GLT8D2: variants seen among roughly 807,000 people sequenced by gnomAD.
GLT8D2 encodes glycosyltransferase 8 domain containing 2, also known as glycosyltransferase 8 domain-containing protein 2.
Under a neutral mutation model 44.5 loss-of-function variants are expected in GLT8D2, and 45 were observed. The ratio of observed to expected loss-of-function variants is 1.01; its 90% CI spans 0.80 to 1.30. The LOEUF is 1.30. Among genes scored for constraint, GLT8D2 ranks in the 50% most tolerant of loss-of-function variants. GLT8D2 has a pLI of 0.00. For synonymous variants in GLT8D2, 156 were observed against 157.2 expected (o/e 0.99, Z 0.06); for missense variants, 400 against 430.4 (o/e 0.93, Z 0.62).
At chr12:103,996,391 C>A (rs1336343769) in intron 8 of GLT8D2, among the ~76,000 whole-genome samples, 1 of 152,196 alleles carries the variant, frequency 6.6e-6, no homozygotes, top group Admixed American at 6.5e-5. Context: ...ACCTAGGTAA[C>A]AATGATCATT....
In GLT8D2 at chr12:104,008,550, T is replaced by C. The variant is rs1013999726; in HGVS notation, c.113-5244A>G. Among the ~76,000 whole-genome samples the C allele has an allele frequency of 1.3e-4, 20 of 151,662 alleles. No homozygotes were observed. In the East Asian group the frequency reaches 1.5e-3, roughly 12 times the overall value. On this transcript the variant is annotated intron_variant, in intron 4 of 10. Transcript: ENST00000360814. ...GAAAATTTGCAGCCTGACAATGTGA[T>C]AGAAAAAAAAAATAACATTTTCTAA... is the stretch of plus-strand genomic sequence containing the variant.
chr12:104,012,729 A>T, intron 4 of GLT8D2: 1 of 672,350 alleles, frequency 1.5e-6, no homozygotes, highest in South Asian at 1.6e-5. Flanking sequence ...CTTAGCTTCC[A>T]GCATCTCAGG....
chr12:103,989,708 AC>A, intron 10 of GLT8D2, 131 bp from the exon 11 acceptor site: 1 of 734,644 alleles, frequency 1.4e-6, no homozygotes, highest in Non-Finnish European at 2.2e-6. Flanking sequence ...TTTTCTACCC[AC>A]CCCAGGTCTC....
At chr12:104,016,784 AAG>A (rs1876813092) in intron 3 of GLT8D2, among the ~76,000 whole-genome samples, 1 of 138,172 alleles carries the variant, frequency 7.2e-6, no homozygotes, top group African/African-American at 2.7e-5. Flanking sequence ...AGAAGGAAGG[AAG>A]GAAGGAAGGA....
intron 1 of GLT8D2, among the ~76,000 whole-genome samples, chr12:104,055,706 C>T (rs1321633530): frequency 1.3e-5 from 2 of 152,166 alleles, no homozygotes; most frequent in Non-Finnish European, 2.9e-5. Context: ...CTGGGTCTGC[C>T]TTTACTGAGT....
At chr12:104,047,541 A>G (rs1881303798) in intron 1 of GLT8D2, among the ~76,000 whole-genome samples, 2 of 152,020 alleles carry the variant, frequency 1.3e-5, no homozygotes, top group Non-Finnish European at 2.9e-5. Context: ...CCCGACCTCA[A>G]GTGATCCACC....
intron 4 of GLT8D2, among the ~76,000 whole-genome samples, chr12:104,007,855 G>A (rs11111867): frequency 0.24 from 36,630 of 152,154 alleles, 5,895 homozygotes; most frequent in Non-Finnish European, 0.34. Flanking sequence ...TCTCATGGTA[G>A]TGAATAAGTC....
At chr12:104,013,281 A>T (rs12817876) in intron 4 of GLT8D2, among the ~76,000 whole-genome samples, 1 of 152,336 alleles carries the variant, frequency 6.6e-6, no homozygotes, top group African/African-American at 2.4e-5. Flanking sequence ...TAGAAATTTC[A>T]TATAGATGGA....
At chr12:104,047,748 A>G (rs978849764) in intron 1 of GLT8D2, among the ~76,000 whole-genome samples, 1 of 152,180 alleles carries the variant, frequency 6.6e-6, no homozygotes, top group Non-Finnish European at 1.5e-5. Context: ...GGGGGACACA[A>G]ACCTTCAGAC....
chr12:104,013,691 T>C, intron 4 of GLT8D2, among the ~76,000 whole-genome samples: 1 of 151,920 alleles, frequency 6.6e-6, no homozygotes. Flanking sequence ...GTGTTTCCAG[T>C]CCCTAAGTGT....
intron 1 of GLT8D2, among the ~76,000 whole-genome samples, chr12:104,057,506 G>C (rs61937637): frequency 3.4e-5 from 5 of 146,350 alleles, no homozygotes; most frequent in Non-Finnish European, 7.4e-5. Flanking sequence ...AGGTGACAAA[G>C]ACCCTGTCTC....
At chr12:104,045,919 G>GAA (rs1344692987) in intron 1 of GLT8D2, among the ~76,000 whole-genome samples, 3 of 134,384 alleles carry the variant, frequency 2.2e-5, no homozygotes, top group Non-Finnish European at 3.3e-5. Flanking sequence ...AAGAAAGAAA[G>GAA]AAAGAAAGAA....
At chr12:104,045,681 C>T (rs891449070) in intron 1 of GLT8D2, among the ~76,000 whole-genome samples, 1 of 151,984 alleles carries the variant, frequency 6.6e-6, no homozygotes, top group African/African-American at 2.4e-5. Flanking sequence ...TGTTTTGAGA[C>T]CTGGCAGTGG....
intron 1 of GLT8D2, among the ~76,000 whole-genome samples, chr12:104,060,693 C>T (rs1184585418): frequency 6.6e-6 from 1 of 152,092 alleles, no homozygotes; most frequent in Non-Finnish European, 1.5e-5. Flanking sequence ...GAGGCTGATG[C>T]AGGAGGATTG....
intron 4 of GLT8D2, among the ~76,000 whole-genome samples, chr12:104,007,684 T>C (rs532158654): frequency 6.6e-6 from 1 of 152,340 alleles, no homozygotes; most frequent in East Asian, 1.9e-4. Flanking sequence ...TTATTTGTAT[T>C]TCTTATACTT....
intron 1 of GLT8D2, among the ~76,000 whole-genome samples, chr12:104,033,359 G>A (rs1270019431): frequency 6.6e-6 from 1 of 152,152 alleles, no homozygotes; most frequent in Non-Finnish European, 1.5e-5. Context: ...GTGACAATAT[G>A]GGTGAGCCTG....
intron 3 of GLT8D2, among the ~76,000 whole-genome samples, chr12:104,019,103 C>T (rs1785161771): frequency 1.3e-5 from 2 of 149,002 alleles, no homozygotes; most frequent in African/African-American, 2.5e-5. Flanking sequence ...TGTAAGTTCA[C>T]TTCCACTTCT....
At chr12:104,029,300 T>C (rs1878956002) in intron 1 of GLT8D2, among the ~76,000 whole-genome samples, 1 of 151,488 alleles carries the variant, frequency 6.6e-6, no homozygotes, top group African/African-American at 2.4e-5. Context: ...AAAAAAAAAG[T>C]GTAAACCTTG....
At chr12:104,026,354 A>G (rs1878571133) in intron 1 of GLT8D2, among the ~76,000 whole-genome samples, 3 of 152,102 alleles carry the variant, frequency 2.0e-5, no homozygotes, top group Admixed American at 2.0e-4. Context: ...GGGTTGATCT[A>G]CCATGAAAAA....
Sources: gnomAD v4.1 joint callset for allele counts (sites outside exome capture counted in the v4.1 genomes callset) on GRCh38, gnomAD v4.1.1 for gene constraint, MANE v1.5 for transcripts, NCBI Gene and HGNC (gene_info 2026-07-23, HGNC 2026-07-21) for gene names.